Variants in DCDC2C observed in about 807,000 individuals in gnomAD.
DCDC2C encodes doublecortin domain-containing protein 2C.
A neutral mutation model predicts 45.0 loss-of-function variants in DCDC2C; 44 were observed. That is an observed-to-expected ratio of 0.98 (90% CI 0.77 to 1.26). The LOEUF (loss-of-function observed/expected upper bound fraction) is 1.26, where lower values mean the gene tolerates loss of function less well. Among genes scored for constraint, DCDC2C ranks in the 50% most tolerant of loss-of-function variants. The pLI, the probability that DCDC2C is intolerant of heterozygous loss-of-function variation, is 0.00. For missense variants in DCDC2C, 447 were observed against 468.9 expected, an observed-to-expected ratio of 0.95 and a Z score of 0.43; for synonymous variants, 187 against 178.8, an observed-to-expected ratio of 1.05 and a Z score of -0.37.
In DCDC2C at chr2:3,734,175, ATGTTTCACCTTCATT is replaced by A. The variant is rs1668956200; in HGVS notation, c.416+7098_416+7112del. ...AAAGGCATGGCGGCTGTCAGCGTGG[ATGTTTCACCTTCATT>A]TCTTCTGTCTTCATGCAAGCCCGAG... On this transcript the variant is annotated intron_variant, in intron 3 of 10. Coordinates refer to ENST00000399143, the MANE Select transcript of DCDC2C (RefSeq NM_001287444.2). This position sits in a 1 kb window ranked among gnomAD's most constrained non-coding sequence, Gnocchi z 4.2. 6.6e-6 allele frequency among the ~76,000 whole-genome samples: 1 copy of A among 152,204 alleles called. No individual in the cohort carries two copies. The highest frequency in any genetic ancestry group is 2.4e-5 in the African/African-American group (1 of 41,448).
intron 3 of DCDC2C, among the ~76,000 whole-genome samples, chr2:3,733,446 C>T (rs1278343833): frequency 6.6e-6 from 1 of 152,188 alleles, no homozygotes; most frequent in Non-Finnish European, 1.5e-5. Context: ...GTGTTATTTC[C>T]TTGGGAGGCA....
chr2:3,736,595 T>C lies in DCDC2C; in HGVS notation c.417-5325T>C, dbSNP rs140038719. ...TTCGCTCCTCTGGAGGGCTGAGCTG[T>C]TTCTCCCCACGAGCCAGCAAATGTC... On this transcript the variant is annotated intron_variant, in intron 3 of 10. Transcript: ENST00000399143. Among the ~76,000 whole-genome samples, 1,094 of 152,252 alleles carry C rather than the reference T, an allele frequency of 7.2e-3. 13 individuals are homozygous for C. Among genetic ancestry groups the C allele is most frequent in the African/African-American group, 0.025 (1,047 of 41,534 alleles).
intron 2 of DCDC2C, among the ~76,000 whole-genome samples, chr2:3,725,619 C>CAAG (rs1668638681): frequency 7.5e-6 from 1 of 134,084 alleles, no homozygotes; most frequent in African/African-American, 2.9e-5. Context: ...TGGAGGGAGA[C>CAAG]CGCCAGAGTG....
intron 10 of DCDC2C, among the ~76,000 whole-genome samples, chr2:3,785,550 G>A (rs536895111): frequency 6.6e-6 from 1 of 152,284 alleles, no homozygotes; most frequent in Admixed American, 6.5e-5. Flanking sequence ...GAGCAAGGGA[G>A]TGGGGGGCTC....
intron 6 of DCDC2C, among the ~76,000 whole-genome samples, chr2:3,755,625 G>A (rs1232485283): frequency 6.6e-6 from 1 of 152,162 alleles, no homozygotes; most frequent in Admixed American, 6.5e-5. Context: ...GGATGCATAT[G>A]TGTGTGCCTA....
At chr2:3,791,314 C>A (rs984422158) in intron 10 of DCDC2C, among the ~76,000 whole-genome samples, 1 of 152,142 alleles carries the variant, frequency 6.6e-6, no homozygotes, top group African/African-American at 2.4e-5. Flanking sequence ...ATCGCCTTTT[C>A]GTGTGGTGGG....
At chr2:3,798,418 G>A (rs1263937431) in intron 10 of DCDC2C, among the ~76,000 whole-genome samples, 3 of 151,166 alleles carry the variant, frequency 2.0e-5, no homozygotes, top group Admixed American at 2.0e-4. Context: ...TCATGATGAT[G>A]TTAGCTGGTT....
At chr2:3,718,091 G>A (rs922756100) in intron 2 of DCDC2C, among the ~76,000 whole-genome samples, 2 of 152,222 alleles carry the variant, frequency 1.3e-5, no homozygotes, top group African/African-American at 4.8e-5. Context: ...GAGGCCAGGA[G>A]TGGTGTTGGT....
At chr2:3,764,434 G>A (rs563665686) in intron 6 of DCDC2C, among the ~76,000 whole-genome samples, 3 of 152,288 alleles carry the variant, frequency 2.0e-5, no homozygotes, top group Non-Finnish European at 2.9e-5. Context: ...CTCTATTCTG[G>A]AGGTTGACTA....
chr2:3,709,532 T>C (rs1161386033), intron 2 of DCDC2C, among the ~76,000 whole-genome samples: 1 of 152,208 alleles, frequency 6.6e-6, no homozygotes, highest in African/African-American at 2.4e-5. Flanking sequence ...GCAGTTAAAA[T>C]AAGTCAAATT....
chr2:3,722,166 C>T (rs571152872), intron 2 of DCDC2C, among the ~76,000 whole-genome samples: 2 of 152,338 alleles, frequency 1.3e-5, no homozygotes, highest in Non-Finnish European at 2.9e-5. Context: ...GGTTATACAA[C>T]TTGATCAAGG....
chr2:3,813,732 C>CTTTTTTTTTT (rs3067128), intron 10 of DCDC2C, among the ~76,000 whole-genome samples: 8 of 99,164 alleles, frequency 8.1e-5, no homozygotes, highest in African/African-American at 2.5e-4. Context: ...GCAACCCCTG[C>CTTTTTTTTTT]TTTTTTTTTT....
chr2:3,833,866 G>A (rs1672008646), intron 10 of DCDC2C, among the ~76,000 whole-genome samples: 1 of 152,206 alleles, frequency 6.6e-6, no homozygotes, highest in Admixed American at 6.5e-5. Flanking sequence ...TTGCTTGGCT[G>A]TAGTCTGTTA....
chr2:3,825,207 G>T (rs1330206780), intron 10 of DCDC2C, among the ~76,000 whole-genome samples: 2 of 152,086 alleles, frequency 1.3e-5, no homozygotes, highest in Admixed American at 1.3e-4. Flanking sequence ...AAAATACCCT[G>T]GGAGTCAGTA....
chr2:3,812,036 G>A (rs147484202), intron 10 of DCDC2C, among the ~76,000 whole-genome samples: 3,511 of 143,392 alleles, frequency 0.024, 150 homozygotes, highest in East Asian at 0.2. Context: ...TTGGCCTGAA[G>A]TTTTCTTTTT....
At chr2:3,779,892 C>T (rs1314579991) in intron 9 of DCDC2C, among the ~76,000 whole-genome samples, 3 of 152,096 alleles carry the variant, frequency 2.0e-5, no homozygotes, top group Non-Finnish European at 2.9e-5. Context: ...TCACCCCCGG[C>T]GCCTGACACA....
intron 4 of DCDC2C, among the ~76,000 whole-genome samples, chr2:3,750,451 G>A (rs1013331558): frequency 1.3e-5 from 2 of 152,104 alleles, no homozygotes; most frequent in South Asian, 2.1e-4. Flanking sequence ...TCTGTGTGGC[G>A]AATCTCCTGA....
intron 2 of DCDC2C, among the ~76,000 whole-genome samples, chr2:3,720,041 C>T (rs1039518295): frequency 6.6e-6 from 1 of 152,222 alleles, no homozygotes; most frequent in Admixed American, 6.5e-5. Flanking sequence ...CCATCATCCT[C>T]AAAGCACCTG....
chr2:3,752,054 C>T (rs1216448722), intron 4 of DCDC2C, among the ~76,000 whole-genome samples: 4 of 152,138 alleles, frequency 2.6e-5, no homozygotes, highest in African/African-American at 7.2e-5. Flanking sequence ...CCTACCCTGC[C>T]GACCCTGTTG....
Sources: gnomAD v4.1 joint callset for allele counts (sites outside exome capture counted in the v4.1 genomes callset) on GRCh38, gnomAD v4.1.1 for gene constraint, Gnocchi (gnomAD v3.1) non-coding constraint, MANE v1.5 for transcripts, NCBI Gene and HGNC (gene_info 2026-07-23, HGNC 2026-07-21) for gene names.